The following MTCL2 variants were observed in gnomAD, a reference collection of about 807,000 sequenced individuals.
The protein encoded by MTCL2 is microtubule cross-linking factor 2.
chr20:36,847,853 C>CAAA, the MTCL2 span, among the ~76,000 whole-genome samples: 1 of 83,586 alleles, frequency 1.2e-5, no homozygotes, highest in Non-Finnish European at 2.4e-5. Context: ...CAGTCTGACT[C>CAAA]AAAAAAAAAA....
At chr20:36,778,049 CT>C in the MTCL2 span, 71 of 464,244 alleles carry the variant, frequency 1.5e-4, no homozygotes, top group Non-Finnish European at 2.6e-4. Flanking sequence ...CTCCCACCCC[CT>C]CCCTGGCTGG....
At chr20:36,857,424 C>A in the MTCL2 span, among the ~76,000 whole-genome samples, 199 of 152,166 alleles carry the variant, frequency 1.3e-3, no homozygotes, top group Non-Finnish European at 2.1e-3. Context: ...TGTCTGGAGG[C>A]GTGCTTCTGA....
At chr20:36,808,037 GGCTA>G in the MTCL2 span, among the ~76,000 whole-genome samples, 1 of 149,906 alleles carries the variant, frequency 6.7e-6, no homozygotes, top group East Asian at 2.0e-4. Context: ...CACCACACCT[GGCTA>G]ATTTTTTGTA....
At chr20:36,854,395 C>A in the MTCL2 span, among the ~76,000 whole-genome samples, 1 of 152,154 alleles carries the variant, frequency 6.6e-6, no homozygotes, top group African/African-American at 2.4e-5. Context: ...AGGTGTCTGA[C>A]ACAGGAGCCT....
chr20:36,794,589 C>T, the MTCL2 span: 1 of 1,613,940 alleles, frequency 6.2e-7, no homozygotes, highest in South Asian at 1.1e-5. This position sits in a 1 kb window ranked among gnomAD's most constrained non-coding sequence, Gnocchi z 5.4. Flanking sequence ...ATGGAAGAAA[C>T]AGATTTGGTT....
chr20:36,833,847 G>A, the MTCL2 span, among the ~76,000 whole-genome samples: 1 of 151,478 alleles, frequency 6.6e-6, no homozygotes, highest in African/African-American at 2.4e-5. Context: ...GAGAGACTAT[G>A]TTTCAAGAAA....
chr20:36,859,978 C>G, the MTCL2 span: 1 of 1,154,216 alleles, frequency 8.7e-7, no homozygotes. Context: ...CAACACAACA[C>G]CTCCAGTAAT....
At chr20:36,804,676 G>T in the MTCL2 span, 1 of 1,588,462 alleles carries the variant, frequency 6.3e-7, no homozygotes. Context: ...TCCCAGATCT[G>T]ACAGCTAAAG....
At chr20:36,857,486 T>G in the MTCL2 span, among the ~76,000 whole-genome samples, 1 of 152,126 alleles carries the variant, frequency 6.6e-6, no homozygotes, top group Admixed American at 6.5e-5. Flanking sequence ...TGTGTGCAAG[T>G]GGCTGTGTGT....
At chr20:36,793,721 C>T in the MTCL2 span, 1 of 1,545,028 alleles carries the variant, frequency 6.5e-7, no homozygotes, top group Admixed American at 2.0e-5. The surrounding 1 kb of genome is among the most constrained non-coding windows in gnomAD (Gnocchi z 6.8). Flanking sequence ...GTCCTTGCTG[C>T]TGTCCAGCTT....
At chr20:36,860,898 G>A in the MTCL2 span, among the ~76,000 whole-genome samples, 1 of 152,248 alleles carries the variant, frequency 6.6e-6, no homozygotes, top group East Asian at 1.9e-4. Context: ...GCTGGACCCC[G>A]GCCCCTGTGA....
At chr20:36,845,820 T>C in the MTCL2 span, among the ~76,000 whole-genome samples, 1 of 151,524 alleles carries the variant, frequency 6.6e-6, no homozygotes, top group African/African-American at 2.4e-5. Context: ...CAGTGACAGA[T>C]CCAACTGAAG....
chr20:36,842,048 CAG>C, the MTCL2 span, among the ~76,000 whole-genome samples: 2 of 152,064 alleles, frequency 1.3e-5, no homozygotes, highest in South Asian at 2.1e-4. Flanking sequence ...GGGTTTTAAG[CAG>C]AGAGGGTAAG....
chr20:36,863,273 G>GGCAGGCGCGGGT, the MTCL2 span: 12 of 1,191,746 alleles, frequency 1.0e-5, no homozygotes, highest in African/African-American at 1.4e-4. This position sits in a 1 kb window ranked among gnomAD's most constrained non-coding sequence, Gnocchi z 6.2. Context: ...TCCTCTCCGG[G>GGCAGGCGCGGGT]GCAGGCGCGG....
chr20:36,793,454 G>T, the MTCL2 span: 3 of 1,551,292 alleles, frequency 1.9e-6, no homozygotes, highest in South Asian at 3.6e-5. This position sits in a 1 kb window ranked among gnomAD's most constrained non-coding sequence, Gnocchi z 6.8. Flanking sequence ...TGCTGATGAG[G>T]TGGGGCTCGG....
chr20:36,835,268 T>A, the MTCL2 span, among the ~76,000 whole-genome samples: 9 of 152,076 alleles, frequency 5.9e-5, no homozygotes, highest in African/African-American at 1.9e-4. Context: ...CTGTAGGTCC[T>A]GTCAACGGTG....
chr20:36,796,845 G>T, the MTCL2 span: 1 of 1,609,714 alleles, frequency 6.2e-7, no homozygotes. Context: ...TGTGGGGCCG[G>T]TCAGAGAGGC....
the MTCL2 span, among the ~76,000 whole-genome samples, chr20:36,825,542 C>T: frequency 6.6e-6 from 1 of 152,230 alleles, no homozygotes; most frequent in African/African-American, 2.4e-5. Context: ...GCAACAGTGC[C>T]ACCGCAGCCC....
the MTCL2 span, chr20:36,793,630 T>C: frequency 6.4e-7 from 1 of 1,551,374 alleles, no homozygotes; most frequent in African/African-American, 1.4e-5. The surrounding 1 kb of genome is among the most constrained non-coding windows in gnomAD (Gnocchi z 6.8). Context: ...TGTTTCTCAA[T>C]ACAGGGCTGT....
Sources: allele counts gnomAD v4.1 joint callset (sites outside exome capture counted in the v4.1 genomes callset), GRCh38; gene constraint gnomAD v4.1.1; non-coding constraint Gnocchi (gnomAD v3.1); transcripts MANE v1.5; gene names NCBI Gene and HGNC (gene_info 2026-07-23, HGNC 2026-07-21).